The following NLRP5 variants were observed in gnomAD, a reference collection of about 807,000 sequenced individuals.
NLRP5 encodes NACHT, LRR and PYD domains-containing protein 5.
NLRP5 carries 93 observed loss-of-function variants against 113.1 expected under a neutral mutation model. That is an observed-to-expected ratio of 0.82 (90% confidence interval 0.70 to 0.98). The LOEUF (loss-of-function observed/expected upper bound fraction) is 0.98. Among genes scored for constraint, NLRP5 ranks in the 50% least tolerant of loss-of-function variants. NLRP5 has a pLI of 0.00. For synonymous variants in NLRP5, 751 were observed against 600.7 expected, an observed-to-expected ratio of 1.25 and a Z score of -3.66; for missense variants, 1,808 against 1,514.3, an observed-to-expected ratio of 1.19 and a Z score of -3.22.
At chr19:56,029,476 G>A (rs533807806) in intron 7 of NLRP5, among the ~76,000 whole-genome samples, 1 of 151,930 alleles carries the variant, frequency 6.6e-6, no homozygotes, top group East Asian at 2.0e-4. Context: ...ATGTTGGCCA[G>A]GCTGATCTCG....
chr19:56,001,875 C>T (rs368399723), intron 1 of NLRP5, among the ~76,000 whole-genome samples: 1 of 152,116 alleles, frequency 6.6e-6, no homozygotes, highest in African/African-American at 2.4e-5. Context: ...CCTTCGATTG[C>T]TTTGTCATCT....
Position 56,016,142 on chromosome 19 carries a change from C to T in NLRP5, c.565+344C>T, listed in dbSNP as rs546886591. Among the ~76,000 whole-genome samples, 44 of 152,152 alleles carry T rather than the reference C, an allele frequency of 2.9e-4. 1 individual carries two copies. In the Middle Eastern group the frequency reaches 0.01, roughly 35 times the overall value. On this transcript the variant is annotated intron_variant, in intron 4 of 14. Transcript: ENST00000390649. The stretch of plus-strand genomic sequence containing the variant: ...CCTCAAATATTCTTTGTGCTGAGAA[C>T]ATTTTATTTTTACTTATTTATTTAT...
intron 4 of NLRP5, among the ~76,000 whole-genome samples, chr19:56,018,377 T>C (rs983118106): frequency 9.8e-5 from 15 of 152,322 alleles, no homozygotes; most frequent in African/African-American, 3.6e-4. Flanking sequence ...CTGATAAATA[T>C]ATATAGTGGT....
chr19:56,057,601 C>T (rs951288907), intron 13 of NLRP5, among the ~76,000 whole-genome samples: 4 of 152,126 alleles, frequency 2.6e-5, no homozygotes, highest in Non-Finnish European at 5.9e-5. Context: ...GTCTGTGTTC[C>T]TTGTTATGTT....
At chr19:56,036,310 GC>G in intron 9 of NLRP5, among the ~76,000 whole-genome samples, 1 of 151,574 alleles carries the variant, frequency 6.6e-6, no homozygotes. Flanking sequence ...CTCGTGATCT[GC>G]CCGCCTCGGC....
At chr19:56,033,993 C>G (rs913019530) in intron 9 of NLRP5, among the ~76,000 whole-genome samples, 6 of 152,232 alleles carry the variant, frequency 3.9e-5, no homozygotes, top group African/African-American at 1.4e-4. Flanking sequence ...TGATCTTGAA[C>G]TCCTGGGCTC....
rs776119822 is a variant in NLRP5 at position 56,028,113 on chromosome 19, A to G, written c.1880A>G (p.His627Arg). The G allele has an allele frequency of 2.5e-6, 4 of 1,614,002 alleles. No homozygotes were observed. The highest frequency in any genetic ancestry group is 1.1e-5 in the South Asian group (1 of 91,084). Reference sequence around the variant, plus strand: ...ATGGAGCTTAAACAGGCAGGCTTCCATATCCACTCGCTTTGGATGAAGCGT... The same window carrying G: ...ATGGAGCTTAAACAGGCAGGCTTCCGTATCCACTCGCTTTGGATGAAGCGT... The change falls in exon 7 of 15, where the codon CAT becomes CGT. Residue 627 changes from histidine to arginine, a missense_variant. His to Arg is a conservative substitution (Grantham distance 29). Coordinates refer to ENST00000390649, the MANE Select transcript of NLRP5 (RefSeq NM_153447.4).
the NLRP5 span, chr19:55,988,391 T>C: frequency 6.9e-6 from 1 of 144,686 alleles, no homozygotes; most frequent in Non-Finnish European, 1.5e-5. Context: ...CAAGACTCTG[T>C]CTCAAGAAGA....
chr19:55,996,498 C>A (rs954170324), upstream of NLRP5, among the ~76,000 whole-genome samples: 14 of 152,014 alleles, frequency 9.2e-5, 1 homozygote, highest in African/African-American at 3.4e-4. Context: ...CTCCCTCCCC[C>A]ACAACAGTCC....
intron 7 of NLRP5, among the ~76,000 whole-genome samples, chr19:56,030,154 T>TTG (rs1983039728): frequency 1.5e-5 from 2 of 136,834 alleles, no homozygotes; most frequent in East Asian, 2.3e-4. Context: ...TGGATCACAC[T>TTG]AGGTCAGGAG....
chr19:56,030,708 C>CTTT (rs1983064981), intron 7 of NLRP5, among the ~76,000 whole-genome samples: 5 of 10,698 alleles, frequency 4.7e-4, no homozygotes, highest in Non-Finnish European at 1.1e-3. Context: ...CATTCGCTTT[C>CTTT]TTCTTCTTTT....
rs1984364746 is a variant in NLRP5 at position 56,061,784 on chromosome 19, TTAAA to T, written c.*261_*264del. The T allele has an allele frequency of 1.1e-5, 4 of 380,394 alleles. No individual in the cohort carries two copies. The highest frequency in any genetic ancestry group is 1.9e-5 in the Non-Finnish European group (4 of 212,272). The allele number at this position is 380,394 out of a possible 1,614,324, so 23.6% of individuals were successfully genotyped here. A position where few individuals can be genotyped will look rare whatever the true frequency, so the allele number is the denominator to read the frequency against. On this transcript the variant is annotated 3_prime_UTR_variant, in exon 15 of 15. Transcript: ENST00000390649. ...CATATCTCAGAGCATATAGAGGGAA[TTAAA>T]TAAACACAAAGCATTTGGAAAAGTT...
intron 9 of NLRP5, among the ~76,000 whole-genome samples, chr19:56,037,270 T>G (rs541472602): frequency 1.1e-4 from 16 of 152,234 alleles, no homozygotes; most frequent in Admixed American, 3.9e-4. Context: ...TCGAGTGCCC[T>G]TTGTGTACCA....
intron 13 of NLRP5, among the ~76,000 whole-genome samples, chr19:56,055,466 C>G (rs921438939): frequency 1.4e-5 from 2 of 147,908 alleles, no homozygotes; most frequent in African/African-American, 4.9e-5. Context: ...CTTATTAAAT[C>G]AAGGCTTACT....
intron 1 of NLRP5, among the ~76,000 whole-genome samples, chr19:56,000,823 T>G (rs1599874754): frequency 6.7e-6 from 1 of 150,312 alleles, no homozygotes; most frequent in African/African-American, 2.4e-5. Context: ...CTGGCCAACA[T>G]GGTGAAACCC....
chr19:56,007,030 T>C (rs9676429), intron 2 of NLRP5, among the ~76,000 whole-genome samples: 132,136 of 150,908 alleles, frequency 0.88, 58,219 homozygotes, highest in East Asian at 0.96. Flanking sequence ...TGAGCCACTG[T>C]GCCTGGCCTA....
chr19:56,044,125 A>G (rs1228100670), intron 11 of NLRP5, among the ~76,000 whole-genome samples: 2 of 148,148 alleles, frequency 1.3e-5, no homozygotes, highest in African/African-American at 2.5e-5. Flanking sequence ...GTGCAGTGGC[A>G]CGATCTGAGC....
Position 56,003,920 on chromosome 19 carries a change from A to C in NLRP5, c.267A>C (p.Ser89=), listed in dbSNP as rs769257961. Reference sequence around the variant, plus strand: ...AGGAATTACTAAAGAAGAAATCTTCAGAATCGACCACATGCTCTATTCCAC... The same window carrying C: ...AGGAATTACTAAAGAAGAAATCTTCCGAATCGACCACATGCTCTATTCCAC... The change falls in exon 2 of 15, where the codon TCA becomes TCC. Residue 89 remains serine (S), a synonymous_variant. Transcript: ENST00000390649. 6.2e-7 allele frequency: 1 copy of C among 1,614,062 alleles called. No homozygotes were observed. The highest frequency in any genetic ancestry group is 8.5e-7 in the Non-Finnish European group (1 of 1,179,900).
At chr19:56,026,818 T>A in intron 6 of NLRP5, 95 bp from the exon 7 acceptor site, 2 of 1,284,300 alleles carry the variant, frequency 1.6e-6, no homozygotes, top group East Asian at 5.1e-5. Context: ...TCAGGTGATA[T>A]GCCCATCTTG....
Sources: gnomAD v4.1 joint callset for allele counts (sites outside exome capture counted in the v4.1 genomes callset) on GRCh38, gnomAD v4.1.1 for gene constraint, MANE v1.5 for transcripts, NCBI Gene and HGNC (gene_info 2026-07-23, HGNC 2026-07-21) for gene names.